Variants in ACOT1 observed in about 807,000 individuals in gnomAD.
The protein encoded by ACOT1 is acyl-coenzyme A thioesterase 1.
Under a neutral mutation model 15.7 loss-of-function variants are expected in ACOT1, and 8 were observed. The observed-to-expected ratio is 0.51, with a 90% CI of 0.30 to 0.92. ACOT1 has a LOEUF of 0.92. Among genes scored for constraint, ACOT1 ranks in the 40% least tolerant of loss-of-function variants. The probability of loss-of-function intolerance (pLI) is 0.06; values close to 1 mark genes in which losing one functional copy is unlikely to be tolerated. For missense variants in ACOT1, 151 were observed against 539.4 expected (o/e 0.28, Z 7.13); for synonymous variants, 67 against 241.2 (o/e 0.28, Z 6.69).
At chr14:73,502,896 T>C in the ACOT1 span, 1 of 1,609,528 alleles carries the variant, frequency 6.2e-7, no homozygotes, top group Non-Finnish European at 8.5e-7. Context: ...GGGTCTTACC[T>C]GATTATGTCG....
At chr14:73,496,125 C>A in the ACOT1 span, among the ~76,000 whole-genome samples, 3 of 151,794 alleles carry the variant, frequency 2.0e-5, no homozygotes, top group Non-Finnish European at 4.4e-5. Context: ...GCGAGACTGT[C>A]CCCCCCTCAA....
At chr14:73,497,160 T>C in the ACOT1 span, among the ~76,000 whole-genome samples, 141 of 152,320 alleles carry the variant, frequency 9.3e-4, 1 homozygote, top group East Asian at 0.018. Context: ...CCTCCCAAAG[T>C]GTTGGGGCTA....
chr14:73,505,005 C>T, the ACOT1 span, among the ~76,000 whole-genome samples: 206 of 152,090 alleles, frequency 1.4e-3, 1 homozygote, highest in African/African-American at 4.8e-3. Flanking sequence ...GATCTTGGCT[C>T]ACTGAAACCG....
chr14:73,503,002 AT>A, the ACOT1 span: 1 of 1,612,216 alleles, frequency 6.2e-7, no homozygotes, highest in East Asian at 2.2e-5. Context: ...GGATCAACTT[AT>A]GTTTCATATC....
chr14:73,533,270 T>C (rs189408218), upstream of ACOT1, among the ~76,000 whole-genome samples: 609 of 115,608 alleles, frequency 5.3e-3, 142 homozygotes, highest in African/African-American at 0.015. Context: ...CCCATGTTCA[T>C]AGCAGCATAC....
At chr14:73,523,519 C>G in the ACOT1 span, among the ~76,000 whole-genome samples, 6 of 152,182 alleles carry the variant, frequency 3.9e-5, no homozygotes, top group Non-Finnish European at 8.8e-5. Context: ...ATGTTGCTTT[C>G]TTTCATTCAA....
the ACOT1 span, among the ~76,000 whole-genome samples, chr14:73,504,676 T>C: frequency 2.0e-5 from 3 of 152,170 alleles, no homozygotes; most frequent in Non-Finnish European, 4.4e-5. Flanking sequence ...CTGTACTGAG[T>C]GGCCAGATTT....
At chr14:73,534,597 G>T (rs1490504823), upstream of ACOT1, among the ~76,000 whole-genome samples, 18 of 110,104 alleles carry the variant, frequency 1.6e-4, 4 homozygotes, top group Middle Eastern at 4.8e-3. Flanking sequence ...GCTGAGGTGG[G>T]AGAACTGTCT....
At chr14:73,535,085 C>A (rs75031208), upstream of ACOT1, among the ~76,000 whole-genome samples, 6,194 of 114,910 alleles carry the variant, frequency 0.054, 1,598 homozygotes, top group African/African-American at 0.17. Flanking sequence ...TGCTTTATAA[C>A]TAAACTGCTT....
chr14:73,498,156 T>C, the ACOT1 span: 1 of 1,609,700 alleles, frequency 6.2e-7, no homozygotes, highest in East Asian at 2.2e-5. Context: ...AGTGCTTACT[T>C]TAGAACAGCA....
At chr14:73,510,444 T>C in the ACOT1 span, among the ~76,000 whole-genome samples, 1 of 150,322 alleles carries the variant, frequency 6.7e-6, no homozygotes, top group African/African-American at 2.4e-5. Context: ...TTGTTTTTGT[T>C]TTTTTTTTGA....
chr14:73,523,894 T>TGA, the ACOT1 span, among the ~76,000 whole-genome samples: 3 of 152,210 alleles, frequency 2.0e-5, no homozygotes, highest in Non-Finnish European at 4.4e-5. Context: ...GTTAAATATT[T>TGA]GAGACTCTAA....
rs541591000 is a variant in ACOT1 at position 73,538,111 on chromosome 14, C to T, written c.457+233C>T. On this transcript the variant is annotated intron_variant, in intron 1 of 2. Transcript: ENST00000311148. ...CCAAGAGCTAGGATTGCAGGGTGAG[C>T]CACTGCGCCCGGCCCTTTGAGGGGA... 3.5e-5 allele frequency among the ~76,000 whole-genome samples: 4 copies of T among 113,988 alleles called. 1 individual carries two copies. Among genetic ancestry groups the T allele is most frequent in the Non-Finnish European group, 7.6e-5 (4 of 52,362 alleles). 74.8% of individuals were successfully genotyped at this position (113,988 alleles called of 152,430 possible).
At chr14:73,506,097 G>C in the ACOT1 span, among the ~76,000 whole-genome samples, 2 of 151,614 alleles carry the variant, frequency 1.3e-5, no homozygotes, top group Non-Finnish European at 2.9e-5. Flanking sequence ...CACCATGTTG[G>C]TCAGGCTGGT....
the ACOT1 span, chr14:73,491,892 C>T: frequency 1.9e-6 from 3 of 1,611,562 alleles, no homozygotes; most frequent in South Asian, 1.1e-5. Context: ...CTGTACCAGG[C>T]CGGCTGCTCC....
the ACOT1 span, among the ~76,000 whole-genome samples, chr14:73,528,137 G>C: frequency 1.3e-5 from 2 of 152,030 alleles, no homozygotes; most frequent in African/African-American, 4.8e-5. Context: ...GCTCATGCCT[G>C]TAATCCCAAC....
the ACOT1 span, among the ~76,000 whole-genome samples, chr14:73,522,083 A>C: frequency 1.3e-5 from 2 of 152,242 alleles, no homozygotes; most frequent in African/African-American, 2.4e-5. Flanking sequence ...AAAATTATCC[A>C]ACCCAGAATG....
the ACOT1 span, chr14:73,498,276 C>G: frequency 1.9e-5 from 31 of 1,613,906 alleles, no homozygotes; most frequent in Middle Eastern, 1.6e-4. Flanking sequence ...CCTGGTGACT[C>G]TTCATAGTGG....
the ACOT1 span, among the ~76,000 whole-genome samples, chr14:73,514,855 T>A: frequency 6.6e-6 from 1 of 151,752 alleles, no homozygotes; most frequent in Non-Finnish European, 1.5e-5. Context: ...GATCACGAGG[T>A]CAGGAGATCG....
Sources: allele counts gnomAD v4.1 joint callset (sites outside exome capture counted in the v4.1 genomes callset), GRCh38; gene constraint gnomAD v4.1.1; transcripts MANE v1.5; gene names NCBI Gene and HGNC (gene_info 2026-07-23, HGNC 2026-07-21).